DNAH7: variants seen among roughly 807,000 people sequenced by gnomAD.
DNAH7 encodes the protein dynein axonemal heavy chain 7, also known as axonemal beta dynein heavy chain 7.
DNAH7 carries 397 observed loss-of-function variants against 444.6 expected under a neutral mutation model. The ratio of observed to expected loss-of-function variants is 0.89; its 90% CI spans 0.82 to 0.97. The LOEUF is 0.97. Ranked by LOEUF, DNAH7 falls within the 50% of genes least tolerant of loss-of-function variation. The pLI is 0.00. For missense variants in DNAH7, 4,902 were observed against 4,800.8 expected, an observed-to-expected ratio of 1.02 and a Z score of -0.62; for synonymous variants, 1,636 against 1,624.4, an observed-to-expected ratio of 1.01 and a Z score of -0.17.
intron 15 of DNAH7, among the ~76,000 whole-genome samples, chr2:195,979,158 G>T (rs1049593030): frequency 6.6e-6 from 1 of 152,034 alleles, no homozygotes; most frequent in Non-Finnish European, 1.5e-5. Context: ...TCATCCAATG[G>T]CTGCAAAATA....
At chr2:195,832,219 C>T (rs901548310) in intron 48 of DNAH7, among the ~76,000 whole-genome samples, 1 of 152,100 alleles carries the variant, frequency 6.6e-6, no homozygotes, top group Non-Finnish European at 1.5e-5. Flanking sequence ...AAACACTAAA[C>T]TGATAATCTC....
At position 196,044,201 on chromosome 2, in the gene DNAH7, A is replaced by ATGTG. The variant is rs150739697; in HGVS notation, c.398+3150_398+3151insCACA. Among the ~76,000 whole-genome samples the ATGTG allele has an allele frequency of 9.7e-3, 1,293 of 132,670 alleles. 12 individuals carry two copies. Among genetic ancestry groups the ATGTG allele is most frequent in the East Asian group, 0.048 (235 of 4,884 alleles). 87.0% of individuals were successfully genotyped at this position (132,670 alleles called of 152,430 possible). On this transcript the variant is annotated intron_variant, in intron 5 of 64. Transcript: ENST00000312428. ...GATAAAAAAATGTTTATATATATAT[A>ATGTG]TATGTGTGTGTGTGTGTGTGTGTGT...
chr2:195,909,920 T>C, intron 25 of DNAH7, 107 bp downstream of exon 25: 1 of 1,185,050 alleles, frequency 8.4e-7, no homozygotes, highest in Non-Finnish European at 1.2e-6. Flanking sequence ...TTTTTACTTT[T>C]ACTTAAGCTA....
chr2:195,994,156 G>C, intron 12 of DNAH7: 1 of 171,844 alleles, frequency 5.8e-6, no homozygotes, highest in Non-Finnish European at 1.2e-5. Flanking sequence ...CTTGGAGGAA[G>C]AAAGTAGGAA....
At chr2:195,903,693 A>G (rs920495174) in intron 27 of DNAH7, 3 of 152,158 alleles carry the variant, frequency 2.0e-5, no homozygotes, top group Admixed American at 6.6e-5. Flanking sequence ...TGATCTTCTC[A>G]ATATACAAAA....
At chr2:195,948,981 T>C (rs936577169) in intron 19 of DNAH7, among the ~76,000 whole-genome samples, 1 of 151,960 alleles carries the variant, frequency 6.6e-6, no homozygotes, top group Non-Finnish European at 1.5e-5. Context: ...AGCAGTGGTT[T>C]GTAGTCCTCC....
chr2:195,921,352 T>TACAC (rs140152411), intron 24 of DNAH7, among the ~76,000 whole-genome samples: 10,456 of 140,312 alleles, frequency 0.075, 505 homozygotes, highest in East Asian at 0.25. Context: ...AAATGTGGTG[T>TACAC]ACACACACAC....
Position 196,012,865 on chromosome 2 carries a change from T to TGGCAATTATGAAATTCTTTG in DNAH7, c.891_910dup (p.Gln304ProfsTer11). 1 of 1,536,984 alleles carries TGGCAATTATGAAATTCTTTG rather than the reference T, an allele frequency of 6.5e-7. No individual in the cohort carries two copies. The highest frequency in any genetic ancestry group is 1.7e-4 in the Middle Eastern group (1 of 5,758). ...AAAACTTGACAGCTCTAATGCATCC[T>TGGCAATTATGAAATTCTTTG]GGCAATTATGAAATTCTTTGATATC... On this transcript the variant is annotated frameshift_variant, in exon 10 of 65. Coordinates refer to ENST00000312428, the MANE Select transcript of DNAH7 (RefSeq NM_018897.3). LOFTEE classifies it high-confidence loss of function.
intron 2 of DNAH7, among the ~76,000 whole-genome samples, chr2:196,051,835 C>T (rs1397954433): frequency 2.6e-5 from 4 of 152,110 alleles, no homozygotes; most frequent in East Asian, 1.9e-4. Context: ...AATCAAAACT[C>T]GCCAGCTCTT....
rs560072369 is a variant in DNAH7, at chr2:195,816,722, T to C, written c.9667A>G (p.Ile3223Val). 1.7e-5 allele frequency: 28 copies of C among 1,614,116 alleles called. No individual in the cohort carries two copies. The South Asian group carries it at 3.0e-4, about 17-fold the overall frequency. ...AGTGAATACTGGTACATGGGCTCAA[T>C]GTTGGCTAAATCAGCAAGAGAAAAA... is the stretch of plus-strand genomic sequence containing the variant. ...LFFSLADLANIEPMYQYSLTW... is the reference protein window; with the variant it reads ...LFFSLADLANVEPMYQYSLTW... The change falls in exon 51 of 65, where the codon ATT becomes GTT. Residue 3223 changes from isoleucine (I) to valine (V), a missense_variant. Transcript: ENST00000312428.
At chr2:195,950,559 C>T (rs1419650409) in intron 19 of DNAH7, among the ~76,000 whole-genome samples, 1 of 151,936 alleles carries the variant, frequency 6.6e-6, no homozygotes, top group East Asian at 1.9e-4. Flanking sequence ...TCCAAAAAAC[C>T]AGCTCCTGGC....
In DNAH7 at chr2:195,886,209, TA is replaced by T; in HGVS notation, c.5469del (p.Phe1823LeufsTer11). 1 of 1,613,934 alleles carries T rather than the reference TA, an allele frequency of 6.2e-7. No individual in the cohort carries two copies. Among genetic ancestry groups the T allele is most frequent in the Non-Finnish European group, 8.5e-7 (1 of 1,179,898 alleles). On this transcript the variant is annotated frameshift_variant, in exon 34 of 65. Transcript: ENST00000312428. LOFTEE classifies it high-confidence loss of function. The part of the protein sequence containing the change: ...VRSLMNLIDC[F>X]MDDFADEVKL... ...TTGACTTCATCAGCAAAATCATCCA[TA>T]AAACAGTCTATTAGATTCATTAAGG...
At chr2:195,824,613 T>C (rs1348222585) in intron 48 of DNAH7, among the ~76,000 whole-genome samples, 168 bp from the exon 49 acceptor site, 2 of 152,164 alleles carry the variant, frequency 1.3e-5, no homozygotes, top group Non-Finnish European at 2.9e-5. Context: ...GCCATAAAAA[T>C]AGCTACATTC....
At chr2:196,041,126 C>A (rs1441620500) in intron 5 of DNAH7, among the ~76,000 whole-genome samples, 1 of 151,970 alleles carries the variant, frequency 6.6e-6, no homozygotes, top group Non-Finnish European at 1.5e-5. Flanking sequence ...GTCCATACTG[C>A]CCAAAGCAAT....
rs548108610 is a variant in DNAH7 at position 195,771,852 on chromosome 2, T to G, written c.11241A>C (p.Glu3747Asp). ...TGTCACTAGCGACCTCATTCACTAC[T>G]TCATCTGATGATTTTGCACCAGCAC... Reference protein sequence around the residue: ...SAGAGAKSSDEVVNEVASDIL... With the variant: ...SAGAGAKSSDDVVNEVASDIL... Residue 3747 changes from glutamate (E) to aspartate (D), a missense_variant, in exon 61 of 65, where the codon GAA becomes GAC. Transcript: ENST00000312428. 314 of 1,614,202 alleles carry G rather than the reference T, an allele frequency of 1.9e-4. 3 individuals are homozygous for G. The South Asian group carries it at 3.2e-3, about 16-fold the overall frequency.
In DNAH7 at chr2:195,972,260, T is replaced by C. The variant is rs376078436; in HGVS notation, c.2040A>G (p.Gln680=). The change falls in exon 16 of 65, where the codon CAA becomes CAG. Residue 680 remains glutamine, a synonymous_variant. Transcript: ENST00000312428. ...TGCCAACCTTCAGACCTTCTTGATATTGTTCTATTTTCTCTTTAATGATTT... is the reference window on the plus strand; with the variant it reads ...TGCCAACCTTCAGACCTTCTTGATACTGTTCTATTTTCTCTTTAATGATTT... ...HRKIIKEKIE[Q]YQEGLKLRCE... 2.0e-5 allele frequency: 32 copies of C among 1,613,476 alleles called. No individual in the cohort carries two copies. The highest frequency in any genetic ancestry group is 2.7e-5 in the Non-Finnish European group (32 of 1,179,598).
chr2:195,800,773 A>G (rs1696408942), intron 54 of DNAH7, among the ~76,000 whole-genome samples: 1 of 152,232 alleles, frequency 6.6e-6, no homozygotes. Flanking sequence ...TTTCCTGGAA[A>G]AAAATCAATT....
At chr2:195,881,754 G>A in intron 36 of DNAH7, 41 bp downstream of exon 36, 1 of 1,558,586 alleles carries the variant, frequency 6.4e-7, no homozygotes, top group Non-Finnish European at 8.8e-7. Context: ...TTCTTAGGAA[G>A]ATTATGCACA....
intron 15 of DNAH7, among the ~76,000 whole-genome samples, chr2:195,983,141 A>C (rs1692686098): frequency 6.6e-6 from 1 of 152,226 alleles, no homozygotes; most frequent in South Asian, 2.1e-4. Flanking sequence ...AACAAAATTT[A>C]AAAGGATTTT....
Sources: gnomAD v4.1 joint callset for allele counts (sites outside exome capture counted in the v4.1 genomes callset) on GRCh38, gnomAD v4.1.1 for gene constraint, MANE v1.5 for transcripts, NCBI Gene and HGNC (gene_info 2026-07-23, HGNC 2026-07-21) for gene names.